The following TCF12 variants were observed in gnomAD, a reference collection of about 807,000 sequenced individuals.
The protein encoded by TCF12 is DNA-binding protein HTF4.
A neutral mutation model predicts 86.0 loss-of-function variants in TCF12; 45 were observed. That is an observed-to-expected ratio of 0.52 (90% CI 0.41 to 0.67). The LOEUF (loss-of-function observed/expected upper bound fraction) is 0.67, where lower values mean the gene tolerates loss of function less well. Among genes scored for constraint, TCF12 ranks in the 30% least tolerant of loss-of-function variants. The probability of loss-of-function intolerance (pLI) is 0.00; values close to 1 mark genes in which losing one functional copy is unlikely to be tolerated. For missense variants in TCF12, 881 were observed against 859.9 expected (o/e 1.02, Z -0.31); for synonymous variants, 330 against 299.6 (o/e 1.10, Z -1.05).
chr15:57,061,269 CCT>C (rs1351175072), intron 3 of TCF12, among the ~76,000 whole-genome samples: 3 of 152,010 alleles, frequency 2.0e-5, no homozygotes, highest in African/African-American at 7.3e-5. Flanking sequence ...ACCCATCTTT[CCT>C]CTCTCTCTGT....
chr15:56,922,576 A>G (rs1026576786), intron 3 of TCF12, among the ~76,000 whole-genome samples: 1 of 151,988 alleles, frequency 6.6e-6, no homozygotes, highest in African/African-American at 2.4e-5. Flanking sequence ...AGAAAAAATT[A>G]TTTTTCTACA....
chr15:57,045,407 T>G (rs2067167824), intron 3 of TCF12, among the ~76,000 whole-genome samples: 1 of 152,194 alleles, frequency 6.6e-6, no homozygotes, highest in African/African-American at 2.4e-5. Context: ...CATGAGTATC[T>G]TTGTGCAGCC....
At chr15:56,962,058 G>A (rs1340340165) in intron 3 of TCF12, among the ~76,000 whole-genome samples, 2 of 150,662 alleles carry the variant, frequency 1.3e-5, no homozygotes, top group South Asian at 2.1e-4. Context: ...GCGTGAACCC[G>A]GGAGGCGGAG....
intron 5 of TCF12, among the ~76,000 whole-genome samples, chr15:57,157,553 CTTTT>C (rs761155684): frequency 1.5e-5 from 2 of 137,202 alleles, no homozygotes; most frequent in Admixed American, 7.3e-5. Flanking sequence ...TAGTTTACTT[CTTTT>C]TTTTTTTTTT....
At chr15:57,094,702 A>G (rs1456876688) in intron 5 of TCF12, among the ~76,000 whole-genome samples, 1 of 152,258 alleles carries the variant, frequency 6.6e-6, no homozygotes, top group Non-Finnish European at 1.5e-5. Context: ...GGTGCTGTGC[A>G]TGATGAATGT....
At chr15:57,108,293 A>G (rs2050263088) in intron 5 of TCF12, among the ~76,000 whole-genome samples, 1 of 152,104 alleles carries the variant, frequency 6.6e-6, no homozygotes, top group African/African-American at 2.4e-5. Context: ...ATAAAATTTT[A>G]CCTAGGGCTG....
At chr15:56,948,016 GT>G (rs1270359532) in intron 3 of TCF12, among the ~76,000 whole-genome samples, 8 of 151,904 alleles carry the variant, frequency 5.3e-5, no homozygotes, top group African/African-American at 1.9e-4. Flanking sequence ...TGATGTCAGG[GT>G]TTTTATTTTG....
At chr15:56,992,941 C>G (rs2063524374) in intron 3 of TCF12, among the ~76,000 whole-genome samples, 1 of 152,080 alleles carries the variant, frequency 6.6e-6, no homozygotes, top group Admixed American at 6.6e-5. Context: ...ATGGATTAAC[C>G]ACATGCACCC....
At chr15:56,940,511 C>T (rs558004423) in intron 3 of TCF12, among the ~76,000 whole-genome samples, 2,886 of 147,518 alleles carry the variant, frequency 0.02, 107 homozygotes, top group African/African-American at 0.068. Flanking sequence ...TTCTTCTTCT[C>T]CTCCTCCTCC....
At chr15:57,187,038 A>T (rs1190188244) in intron 6 of TCF12, among the ~76,000 whole-genome samples, 4 of 152,064 alleles carry the variant, frequency 2.6e-5, no homozygotes, top group African/African-American at 9.7e-5. Context: ...AAAATTAGCC[A>T]GGCGTGGTGG....
chr15:57,124,643 C>T (rs2051497840), intron 5 of TCF12, among the ~76,000 whole-genome samples: 1 of 152,114 alleles, frequency 6.6e-6, no homozygotes, highest in Admixed American at 6.5e-5. Context: ...AACATTTTCA[C>T]CAGACACAAT....
At chr15:57,035,187 A>C (rs1468943824) in intron 3 of TCF12, among the ~76,000 whole-genome samples, 1 of 152,204 alleles carries the variant, frequency 6.6e-6, no homozygotes, top group African/African-American at 2.4e-5. Flanking sequence ...AATTTGTACA[A>C]AGTTACACAC....
chr15:57,181,668 C>G (rs1274341597), intron 6 of TCF12, among the ~76,000 whole-genome samples: 5 of 152,122 alleles, frequency 3.3e-5, no homozygotes, highest in African/African-American at 1.2e-4. Flanking sequence ...TAAGCTGTTT[C>G]TTACAGATGA....
intron 5 of TCF12, 138 bp downstream of exon 5, chr15:57,092,029 T>A: frequency 1.7e-6 from 1 of 578,964 alleles, no homozygotes; most frequent in South Asian, 2.7e-5. Context: ...GGGCTTTTCT[T>A]GTTCAGCACA....
intron 8 of TCF12, among the ~76,000 whole-genome samples, chr15:57,217,968 C>A (rs953675223): frequency 2.0e-5 from 3 of 152,142 alleles, no homozygotes; most frequent in Non-Finnish European, 4.4e-5. Flanking sequence ...TGTTCTTTTG[C>A]AGCTGCTGCT....
rs576112938 is a variant in TCF12, at chr15:57,066,719, A to G, written c.222+2896A>G. Among the ~76,000 whole-genome samples the G allele has an allele frequency of 7.5e-4, 114 of 152,280 alleles. 1 individual carries two copies. The highest frequency in any genetic ancestry group is 7.4e-3 in the Admixed American group (113 of 15,294). ...AACTATCTGAGCTGCCTGCCATTCT[A>G]TCCCTCTCCCATTCCCATGCCAAAC... On this transcript the variant is annotated intron_variant, in intron 4 of 20. Coordinates refer to ENST00000333725, the MANE Select transcript of TCF12 (RefSeq NM_207037.2).
intron 4 of TCF12, among the ~76,000 whole-genome samples, chr15:57,081,864 C>T (rs1460094351): frequency 6.6e-6 from 1 of 152,092 alleles, no homozygotes; most frequent in Non-Finnish European, 1.5e-5. Context: ...CCACTGCACC[C>T]GGCCCATGCT....
intron 2 of TCF12, 47 bp from the exon 3 acceptor site, chr15:56,920,979 T>C (rs1162184373): frequency 6.8e-7 from 1 of 1,469,482 alleles, no homozygotes. Context: ...TTGCAAGGAA[T>C]CTAGAAGAAT....
Position 57,104,861 on chromosome 15 carries a change from G to GTTTTTTTTTTT in TCF12, c.325+12984_325+12994dup, listed in dbSNP as rs11336613. On this transcript the variant is annotated intron_variant, in intron 5 of 20. Coordinates refer to ENST00000333725, the MANE Select transcript of TCF12 (RefSeq NM_207037.2). ...ATCTATCTTGCTGGTCTTTGGTGGT[G>GTTTTTTTTTTT]TTTTTTTTTTTTTTTTTTTTTTTTG... Among the ~76,000 whole-genome samples the GTTTTTTTTTTT allele has an allele frequency of 5.0e-4, 36 of 71,488 alleles. 2 individuals carry two copies. The highest frequency in any genetic ancestry group is 9.9e-4 in the East Asian group (2 of 2,012). The allele number at this position is 71,488 out of a possible 152,430, so 46.9% of individuals were successfully genotyped here.
Sources: gnomAD v4.1 joint callset for allele counts (sites outside exome capture counted in the v4.1 genomes callset) on GRCh38, gnomAD v4.1.1 for gene constraint, MANE v1.5 for transcripts, NCBI Gene and HGNC (gene_info 2026-07-23, HGNC 2026-07-21) for gene names.